Variants in KCNAB1 observed in about 807,000 individuals in gnomAD.
KCNAB1 encodes voltage-gated potassium channel subunit beta-1.
KCNAB1 carries 35 observed loss-of-function variants against 64.6 expected under a neutral mutation model. The ratio of observed to expected loss-of-function variants is 0.54; its 90% CI spans 0.41 to 0.72. The LOEUF is 0.72. KCNAB1 is among the 30% of genes least tolerant of loss of function. The probability of loss-of-function intolerance (pLI) is 0.00; values close to 1 mark genes in which losing one functional copy is unlikely to be tolerated. For synonymous variants in KCNAB1, 177 were observed against 183.8 expected (o/e 0.96, Z 0.30); for missense variants, 401 against 512.9 (o/e 0.78, Z 2.11).
chr3:156,195,048 T>C (rs1713821909), intron 1 of KCNAB1, among the ~76,000 whole-genome samples: 1 of 152,204 alleles, frequency 6.6e-6, no homozygotes, highest in Non-Finnish European at 1.5e-5. Flanking sequence ...TGGTTTTCTG[T>C]TCCTGTGTTA....
chr3:156,453,661 A>G (rs1342187219), intron 3 of KCNAB1, among the ~76,000 whole-genome samples: 1 of 152,166 alleles, frequency 6.6e-6, no homozygotes, highest in Non-Finnish European at 1.5e-5. Flanking sequence ...CCTTCATGGC[A>G]TAAGTGAGGT....
intron 1 of KCNAB1, among the ~76,000 whole-genome samples, chr3:156,252,405 A>G (rs554039228): frequency 5.1e-4 from 77 of 152,072 alleles, no homozygotes; most frequent in Non-Finnish European, 5.3e-4. Flanking sequence ...TTATTCTTTT[A>G]TTGTTTTTTC....
At chr3:156,509,538 G>T (rs1717050283) in intron 8 of KCNAB1, among the ~76,000 whole-genome samples, 1 of 152,160 alleles carries the variant, frequency 6.6e-6, no homozygotes, top group Non-Finnish European at 1.5e-5. Flanking sequence ...ACCCCCAAGA[G>T]ATTCTAATAT....
rs140344024 is a variant in KCNAB1 at position 156,221,708 on chromosome 3, G to A, written c.275+100822G>A. 8.7e-4 allele frequency among the ~76,000 whole-genome samples: 133 copies of A among 152,044 alleles called. No individual in the cohort carries two copies. In the East Asian group the frequency reaches 0.019, roughly 22 times the overall value. ...TGGGAGAATTGCTTGAATCTGGGAG[G>A]CAGAGGTTGCAGTGAGCTGAGATCA... On this transcript the variant is annotated intron_variant, in intron 1 of 13. Coordinates refer to ENST00000490337, the MANE Select transcript of KCNAB1 (RefSeq NM_172160.3).
At chr3:156,239,277 A>G (rs1323282725) in intron 1 of KCNAB1, among the ~76,000 whole-genome samples, 2 of 152,196 alleles carry the variant, frequency 1.3e-5, no homozygotes, top group Non-Finnish European at 2.9e-5. Context: ...TGGGCAGCAC[A>G]CTGTTTCTTT....
intron 1 of KCNAB1, among the ~76,000 whole-genome samples, chr3:156,197,560 A>G (rs1227019661): frequency 2.0e-5 from 3 of 152,170 alleles, no homozygotes; most frequent in Non-Finnish European, 2.9e-5. Flanking sequence ...CCAAGAATTT[A>G]TCAATTTCTT....
chr3:156,503,392 T>C (rs1471840340), intron 8 of KCNAB1, among the ~76,000 whole-genome samples: 2 of 152,182 alleles, frequency 1.3e-5, no homozygotes, highest in Non-Finnish European at 2.9e-5. Context: ...GCCATTCTTA[T>C]CTAAATGTAA....
intron 1 of KCNAB1, among the ~76,000 whole-genome samples, chr3:156,169,826 A>G (rs1711844080): frequency 6.6e-6 from 1 of 152,190 alleles, no homozygotes; most frequent in Admixed American, 6.5e-5. Flanking sequence ...CAGCCTCCCC[A>G]GCCATGCAGA....
chr3:156,242,834 A>G (rs1717237558), intron 1 of KCNAB1, among the ~76,000 whole-genome samples: 1 of 138,890 alleles, frequency 7.2e-6, no homozygotes, highest in Non-Finnish European at 1.6e-5. Context: ...GTGTTTTGAC[A>G]TTTTTCATGT....
At chr3:156,184,048 T>C (rs558791012) in intron 1 of KCNAB1, among the ~76,000 whole-genome samples, 2 of 152,312 alleles carry the variant, frequency 1.3e-5, no homozygotes, top group East Asian at 3.9e-4. Flanking sequence ...ATAGAGCAAA[T>C]TGTGACGCTC....
chr3:156,458,373 A>C (rs1576892579), intron 4 of KCNAB1, among the ~76,000 whole-genome samples: 1 of 152,236 alleles, frequency 6.6e-6, no homozygotes, highest in Admixed American at 6.5e-5. Context: ...CAGCTCTCAG[A>C]ACCAAGGAAA....
intron 2 of KCNAB1, among the ~76,000 whole-genome samples, chr3:156,422,284 G>T (rs964326693): frequency 1.3e-5 from 2 of 152,212 alleles, no homozygotes; most frequent in Admixed American, 1.3e-4. Context: ...GAGGCTTGAG[G>T]CCTCCAGACA....
intron 1 of KCNAB1, among the ~76,000 whole-genome samples, chr3:156,174,297 T>C (rs1305856088): frequency 1.3e-5 from 2 of 152,210 alleles, no homozygotes; most frequent in African/African-American, 4.8e-5. Flanking sequence ...AATTAATTTT[T>C]AGTGGTTTGT....
intron 1 of KCNAB1, among the ~76,000 whole-genome samples, chr3:156,179,077 C>T (rs922639436): frequency 1.5e-4 from 23 of 151,464 alleles, no homozygotes; most frequent in African/African-American, 4.9e-4. Flanking sequence ...CTTCTCCACT[C>T]CAGTGATTCT....
chr3:156,241,751 T>C (rs1717177297), intron 1 of KCNAB1, among the ~76,000 whole-genome samples: 1 of 152,146 alleles, frequency 6.6e-6, no homozygotes, highest in African/African-American at 2.4e-5. Flanking sequence ...TTTTTTATTA[T>C]TATTTTTATT....
At chr3:156,340,746 T>A (rs1294945825) in intron 1 of KCNAB1, among the ~76,000 whole-genome samples, 1 of 152,222 alleles carries the variant, frequency 6.6e-6, no homozygotes, top group African/African-American at 2.4e-5. Flanking sequence ...CTCAACAGAT[T>A]GGTCAAGTCA....
intron 1 of KCNAB1, among the ~76,000 whole-genome samples, chr3:156,159,353 T>G (rs1715936677): frequency 1.3e-5 from 2 of 152,320 alleles, no homozygotes; most frequent in South Asian, 4.1e-4. Context: ...ATGACTAAAA[T>G]GAGCAGAAAT....
chr3:156,511,415 T>G (rs911529673), intron 8 of KCNAB1, among the ~76,000 whole-genome samples: 1 of 152,090 alleles, frequency 6.6e-6, no homozygotes, highest in African/African-American at 2.4e-5. Flanking sequence ...TCATCTCCCT[T>G]TTAGTATCTC....
At chr3:156,351,729 A>G (rs539126697) in intron 1 of KCNAB1, among the ~76,000 whole-genome samples, 4 of 152,320 alleles carry the variant, frequency 2.6e-5, no homozygotes, top group Non-Finnish European at 5.9e-5. Flanking sequence ...TGAGCTGTGC[A>G]TTCTTTACTT....
Sources: gnomAD v4.1 joint callset for allele counts (sites outside exome capture counted in the v4.1 genomes callset) on GRCh38, gnomAD v4.1.1 for gene constraint, MANE v1.5 for transcripts, NCBI Gene and HGNC (gene_info 2026-07-23, HGNC 2026-07-21) for gene names.